SMAP1: variants seen among roughly 807,000 people sequenced by gnomAD.
SMAP1 encodes the protein stromal membrane-associated protein 1.
A neutral mutation model predicts 58.5 loss-of-function variants in SMAP1; 24 were observed. The observed-to-expected ratio is 0.41, with a 90% CI of 0.30 to 0.58. The LOEUF is 0.58. Ranked by LOEUF, SMAP1 falls within the 20% of genes least tolerant of loss-of-function variation. SMAP1 has a pLI of 0.29. For synonymous variants in SMAP1, 216 were observed against 196.6 expected, an observed-to-expected ratio of 1.10 and a Z score of -0.82; for missense variants, 563 against 566.3, an observed-to-expected ratio of 0.99 and a Z score of 0.06.
intron 1 of SMAP1, among the ~76,000 whole-genome samples, chr6:70,723,994 A>G (rs1478597908): frequency 6.6e-6 from 1 of 152,140 alleles, no homozygotes; most frequent in Non-Finnish European, 1.5e-5. Context: ...AAAGATTGCA[A>G]TGAGTTAAAT....
At chr6:70,669,515 G>A (rs559194749) in intron 1 of SMAP1, among the ~76,000 whole-genome samples, 35 of 152,262 alleles carry the variant, frequency 2.3e-4, no homozygotes, top group African/African-American at 8.2e-4. Flanking sequence ...ACCTTTTCAG[G>A]TGATGAGTTT....
At chr6:70,762,257 T>C (rs1766781505) in intron 3 of SMAP1, among the ~76,000 whole-genome samples, 1 of 152,168 alleles carries the variant, frequency 6.6e-6, no homozygotes, top group Non-Finnish European at 1.5e-5. Flanking sequence ...CCTGTTTTTG[T>C]AAATAAGGTT....
intron 6 of SMAP1, among the ~76,000 whole-genome samples, chr6:70,800,886 A>G (rs1768819469): frequency 6.6e-6 from 1 of 152,136 alleles, no homozygotes; most frequent in Non-Finnish European, 1.5e-5. Flanking sequence ...CATGGTGTAT[A>G]TGTGCCACAT....
chr6:70,793,235 A>G (rs1263995457), intron 5 of SMAP1, among the ~76,000 whole-genome samples: 1 of 151,976 alleles, frequency 6.6e-6, no homozygotes, highest in Non-Finnish European at 1.5e-5. Flanking sequence ...GGGTTTCGCC[A>G]TGTTGGCCAG....
At chr6:70,707,422 GA>G (rs1358855053) in intron 1 of SMAP1, among the ~76,000 whole-genome samples, 1 of 152,018 alleles carries the variant, frequency 6.6e-6, no homozygotes, top group Non-Finnish European at 1.5e-5. Flanking sequence ...AAGTCAGCCT[GA>G]AAGCTATTGA....
chr6:70,732,651 A>G (rs1765475378), intron 2 of SMAP1, 140 bp downstream of exon 2: 1 of 703,076 alleles, frequency 1.4e-6, no homozygotes, highest in African/African-American at 1.9e-5. Context: ...AAATTGGAAT[A>G]TTTGAATTTT....
At chr6:70,767,846 C>A (rs1767069575) in intron 3 of SMAP1, among the ~76,000 whole-genome samples, 1 of 139,816 alleles carries the variant, frequency 7.2e-6, no homozygotes, top group South Asian at 2.5e-4. Flanking sequence ...AAAGGGAATG[C>A]TTCCAGTTTT....
Position 70,861,966 on chromosome 6 carries a change from C to T in SMAP1, c.*1632C>T, listed in dbSNP as rs1562211527. 6.2e-7 allele frequency: 1 copy of T among 1,608,534 alleles called. No individual in the cohort carries two copies. ...TGGATTGGACAAAATGACTTGAAGACTTACAGCAAATCCTTTGTGAAAAAT... is the reference window on the plus strand; with the variant it reads ...TGGATTGGACAAAATGACTTGAAGATTTACAGCAAATCCTTTGTGAAAAAT... On this transcript the variant is annotated 3_prime_UTR_variant, in exon 11 of 11. Transcript: ENST00000370455.
intron 5 of SMAP1, among the ~76,000 whole-genome samples, chr6:70,793,074 T>G (rs1768437091): frequency 6.6e-6 from 1 of 152,074 alleles, no homozygotes; most frequent in African/African-American, 2.4e-5. Context: ...CTTGCTCTGT[T>G]GCCAGGCTGG....
At chr6:70,775,714 C>T (rs1767519405) in intron 4 of SMAP1, among the ~76,000 whole-genome samples, 1 of 152,134 alleles carries the variant, frequency 6.6e-6, no homozygotes, top group Non-Finnish European at 1.5e-5. Flanking sequence ...AGGTAAAAGT[C>T]TGTTTACTTC....
At chr6:70,834,621 T>G (rs1015793361) in intron 6 of SMAP1, among the ~76,000 whole-genome samples, 2 of 152,224 alleles carry the variant, frequency 1.3e-5, no homozygotes, top group Non-Finnish European at 2.9e-5. Flanking sequence ...TAGGCTGTGA[T>G]GAGACCAATG....
chr6:70,718,390 C>T (rs564929418), intron 1 of SMAP1, among the ~76,000 whole-genome samples: 1 of 152,174 alleles, frequency 6.6e-6, no homozygotes, highest in African/African-American at 2.4e-5. Context: ...TTTTATTTCT[C>T]CCCTTACATC....
At position 70,707,160 on chromosome 6, in the gene SMAP1, A is replaced by T. The variant is rs575043269; in HGVS notation, c.119-25218A>T. ...TTATGATGTACTGGAATTTGGATTC[A>T]TGAGATTTTGTCATATTTTGATCAC... On this transcript the variant is annotated intron_variant, in intron 1 of 10. Transcript: ENST00000370455. Among the ~76,000 whole-genome samples, 30 of 152,316 alleles carry T rather than the reference A, an allele frequency of 2.0e-4. No homozygotes were observed. In the South Asian group the frequency reaches 2.5e-3, roughly 13 times the overall value.
intron 3 of SMAP1, among the ~76,000 whole-genome samples, chr6:70,756,158 TTA>T (rs1446571442): frequency 6.6e-6 from 1 of 152,072 alleles, no homozygotes; most frequent in African/African-American, 2.4e-5. Context: ...ATAAATAAGA[TTA>T]TCTGATTAAT....
chr6:70,736,742 GTTC>G (rs968270082), intron 2 of SMAP1, among the ~76,000 whole-genome samples: 3 of 152,126 alleles, frequency 2.0e-5, no homozygotes, highest in Non-Finnish European at 4.4e-5. Flanking sequence ...TTACTTCTGT[GTTC>G]TTAATTCTTT....
At chr6:70,825,437 C>G (rs1045658405) in intron 6 of SMAP1, among the ~76,000 whole-genome samples, 1 of 150,506 alleles carries the variant, frequency 6.6e-6, no homozygotes, top group African/African-American at 2.4e-5. Flanking sequence ...TTTTTTCCTT[C>G]TCTGCAAACC....
intron 6 of SMAP1, among the ~76,000 whole-genome samples, chr6:70,830,291 GAGGTATCAAA>G (rs1385245077): frequency 6.6e-6 from 1 of 152,172 alleles, no homozygotes; most frequent in East Asian, 1.9e-4. Flanking sequence ...AGATGAATGT[GAGGTATCAAA>G]AGGATGACAG....
At chr6:70,675,163 A>G (rs1345005351) in intron 1 of SMAP1, among the ~76,000 whole-genome samples, 1 of 149,516 alleles carries the variant, frequency 6.7e-6, no homozygotes, top group Non-Finnish European at 1.5e-5. Context: ...AAAAGCAAAT[A>G]ATAACATTAC....
chr6:70,834,022 T>C lies in SMAP1; in HGVS notation c.577-2919T>C, dbSNP rs78303201. ...AGATGAGAAGCTTTTAGAACACAGA[T>C]ACATGTGTGAACATCTGGAAGGAAA... On this transcript the variant is annotated intron_variant, in intron 6 of 10. Coordinates refer to ENST00000370455, the MANE Select transcript of SMAP1 (RefSeq NM_001044305.3). Among the ~76,000 whole-genome samples, 473 of 152,364 alleles carry C rather than the reference T, an allele frequency of 3.1e-3. 2 individuals are homozygous for C. Among genetic ancestry groups the C allele is most frequent in the Non-Finnish European group, 4.0e-3 (272 of 68,034 alleles).
Sources: gnomAD v4.1 joint callset for allele counts (sites outside exome capture counted in the v4.1 genomes callset) on GRCh38, gnomAD v4.1.1 for gene constraint, MANE v1.5 for transcripts, NCBI Gene and HGNC (gene_info 2026-07-23, HGNC 2026-07-21) for gene names.